PCDHGA12: variants seen among roughly 807,000 people sequenced by gnomAD.
PCDHGA12 encodes protocadherin gamma subfamily A, 12.
In PCDHGA12, 43 loss-of-function variants were observed where a neutral mutation model predicts 61.1. That is an observed-to-expected ratio of 0.70 (90% CI 0.55 to 0.91). The LOEUF (loss-of-function observed/expected upper bound fraction) is 0.91. Among genes scored for constraint, PCDHGA12 ranks in the 40% least tolerant of loss-of-function variants. The probability of loss-of-function intolerance (pLI) is 0.00; values close to 1 mark genes in which losing one functional copy is unlikely to be tolerated. For synonymous variants in PCDHGA12, 520 were observed against 542.9 expected, an observed-to-expected ratio of 0.96 and a Z score of 0.59; for missense variants, 1,236 against 1,227.7, an observed-to-expected ratio of 1.01 and a Z score of -0.10.
At position 141,486,121 on chromosome 5, in the gene PCDHGA12, T is replaced by C. The variant is rs371827617; in HGVS notation, c.2425-8686T>C. 5.6e-6 allele frequency: 9 copies of C among 1,614,086 alleles called. No individual in the cohort carries two copies. The highest frequency in any genetic ancestry group is 2.2e-5 in the South Asian group (2 of 91,082). ...TAGACTTTGAGAGTGAGAATTACTATGAATTTGATGTGCGGGCTCGCGATG... is the reference window on the plus strand; with the variant it reads ...TAGACTTTGAGAGTGAGAATTACTACGAATTTGATGTGCGGGCTCGCGATG... On this transcript the variant is annotated intron_variant, in intron 1 of 3. Coordinates refer to ENST00000252085, the MANE Select transcript of PCDHGA12 (RefSeq NM_003735.3). This position sits in a 1 kb window ranked among gnomAD's most constrained non-coding sequence, Gnocchi z 5.0.
Position 141,477,160 on chromosome 5 carries a change from C to A in PCDHGA12, c.2425-17647C>A, listed in dbSNP as rs768436526. The A allele has an allele frequency of 1.9e-5, 31 of 1,614,068 alleles. No homozygotes were observed. The African/African-American group carries it at 3.6e-4, about 19-fold the overall frequency. On this transcript the variant is annotated intron_variant, in intron 1 of 3. Coordinates refer to ENST00000252085, the MANE Select transcript of PCDHGA12 (RefSeq NM_003735.3). This position sits in a 1 kb window ranked among gnomAD's most constrained non-coding sequence, Gnocchi z 4.9. ...TGGAGGTTGTGGATGTGAATGACAA[C>A]GCCCCGGAGATCACAGTCACCTCCG...
At position 141,487,790 on chromosome 5, in the gene PCDHGA12, C is replaced by T. The variant is rs1360781901; in HGVS notation, c.2425-7017C>T. 6.6e-7 allele frequency: 1 copy of T among 1,511,992 alleles called. No individual in the cohort carries two copies. Among genetic ancestry groups the T allele is most frequent in the Non-Finnish European group, 8.9e-7 (1 of 1,120,458 alleles). The allele number at this position is 1,511,992 out of a possible 1,614,324, so 93.7% of individuals were successfully genotyped here. ...GCTTTGTAACTGTTTCGTGAATTAA[C>T]CAGAGTTGTCACAGTTTAGCATTGG... On this transcript the variant is annotated intron_variant, in intron 1 of 3. Coordinates refer to ENST00000252085, the MANE Select transcript of PCDHGA12 (RefSeq NM_003735.3). This position sits in a 1 kb window ranked among gnomAD's most constrained non-coding sequence, Gnocchi z 5.0.
In PCDHGA12 at chr5:141,491,778, C is replaced by T. The variant is rs568710854; in HGVS notation, c.2425-3029C>T. 3.1e-4 allele frequency: 482 copies of T among 1,547,678 alleles called. No homozygotes were observed. The highest frequency in any genetic ancestry group is 2.2e-3 in the Middle Eastern group (13 of 5,890). On this transcript the variant is annotated intron_variant, in intron 1 of 3. Transcript: ENST00000252085. This position sits in a 1 kb window ranked among gnomAD's most constrained non-coding sequence, Gnocchi z 6.9. Reference sequence around the variant, plus strand: ...CCGCCCGTCCTCATAAGGGATTGAACTTGCATCCACTCCTCTCCGGCCGGC... The same window carrying T: ...CCGCCCGTCCTCATAAGGGATTGAATTTGCATCCACTCCTCTCCGGCCGGC...
chr5:141,476,036 A>G lies in PCDHGA12; in HGVS notation c.2425-18771A>G. The G allele has an allele frequency of 1.4e-6, 2 of 1,471,164 alleles. No individual in the cohort carries two copies. Among genetic ancestry groups the G allele is most frequent in the Non-Finnish European group, 1.8e-6 (2 of 1,106,602 alleles). 91.1% of individuals were successfully genotyped at this position (1,471,164 alleles called of 1,614,324 possible). ...ATGTCGGACTCGGCGCCCAGCGCCCAAGCGCTAACCCGCTGAAAGTTTCTC... is the reference window on the plus strand; with the variant it reads ...ATGTCGGACTCGGCGCCCAGCGCCCGAGCGCTAACCCGCTGAAAGTTTCTC... On this transcript the variant is annotated intron_variant, in intron 1 of 3. Transcript: ENST00000252085. The surrounding 1 kb of genome is among the most constrained non-coding windows in gnomAD (Gnocchi z 7.6).
Position 141,489,368 on chromosome 5 carries a change from C to T in PCDHGA12, c.2425-5439C>T, listed in dbSNP as rs889945954. The T allele has an allele frequency of 1.2e-5, 20 of 1,613,264 alleles. No homozygotes were observed. The highest frequency in any genetic ancestry group is 1.6e-5 in the Non-Finnish European group (19 of 1,179,484). On this transcript the variant is annotated intron_variant, in intron 1 of 3. Transcript: ENST00000252085. The surrounding 1 kb of genome is among the most constrained non-coding windows in gnomAD (Gnocchi z 4.5). The stretch of plus-strand genomic sequence containing the variant: ...GTGGTGGAGGAGTCTGAGCCGGGGA[C>T]GCTGGTGGGGAATGTTGCTCAGGAT...
At chr5:141,450,772 C>T (rs544188262) in intron 1 of PCDHGA12, among the ~76,000 whole-genome samples, 1 of 151,944 alleles carries the variant, frequency 6.6e-6, no homozygotes, top group African/African-American at 2.4e-5. Flanking sequence ...CAGGCATGAG[C>T]CACCGTGCCC....
rs2099748179 is a variant in PCDHGA12 at position 141,493,421 on chromosome 5, T to G, written c.2425-1386T>G. Among the ~76,000 whole-genome samples the G allele has an allele frequency of 6.6e-6, 1 of 152,182 alleles. No individual in the cohort carries two copies. Among genetic ancestry groups the G allele is most frequent in the South Asian group, 2.1e-4 (1 of 4,830 alleles). On this transcript the variant is annotated intron_variant, in intron 1 of 3. Coordinates refer to ENST00000252085, the MANE Select transcript of PCDHGA12 (RefSeq NM_003735.3). The surrounding 1 kb of genome is among the most constrained non-coding windows in gnomAD (Gnocchi z 4.3). Reference sequence around the variant, plus strand: ...GGAGTTGCCTCTGCTGGGATTTTGCTTCTGCTGGGATGGGGCAAGGGTGGG... The same window carrying G: ...GGAGTTGCCTCTGCTGGGATTTTGCGTCTGCTGGGATGGGGCAAGGGTGGG...
chr5:141,431,731 T>G lies in PCDHGA12; in HGVS notation c.972T>G (p.Asn324Lys). 6.2e-7 allele frequency: 1 copy of G among 1,614,210 alleles called. No homozygotes were observed. The highest frequency in any genetic ancestry group is 8.5e-7 in the Non-Finnish European group (1 of 1,180,034). Reference sequence around the variant, plus strand: ...AGATGGAAGTGCAAGCAATGGATAATGCAGGATATTCTGCGCGAGCCAAAG... The same window carrying G: ...AGATGGAAGTGCAAGCAATGGATAAGGCAGGATATTCTGCGCGAGCCAAAG... ...FYQMEVQAMD[N>K]AGYSARAKVL... Residue 324 changes from asparagine (N) to lysine (K), a missense_variant, in exon 1 of 4, where the codon AAT becomes AAG. Asn to Lys is a moderately conservative substitution (Grantham distance 94). Coordinates refer to ENST00000252085, the MANE Select transcript of PCDHGA12 (RefSeq NM_003735.3). The surrounding 1 kb of genome is among the most constrained non-coding windows in gnomAD (Gnocchi z 4.8).
chr5:141,476,179 T>C lies in PCDHGA12; in HGVS notation c.2425-18628T>C, dbSNP rs1283155400. 26 of 1,613,476 alleles carry C rather than the reference T, an allele frequency of 1.6e-5. No homozygotes were observed. The highest frequency in any genetic ancestry group is 2.0e-5 in the Non-Finnish European group (24 of 1,179,998). On this transcript the variant is annotated intron_variant, in intron 1 of 3. Transcript: ENST00000252085. This position sits in a 1 kb window ranked among gnomAD's most constrained non-coding sequence, Gnocchi z 7.6. Reference sequence around the variant, plus strand: ...CCGGGAGGGTAGTGGGAGTTTTGCTTCTGCTTGGTGCCTTGAACAAGGCTT... The same window carrying C: ...CCGGGAGGGTAGTGGGAGTTTTGCTCCTGCTTGGTGCCTTGAACAAGGCTT...
chr5:141,508,540 G>A (rs993826709), intron 3 of PCDHGA12, among the ~76,000 whole-genome samples: 3 of 152,144 alleles, frequency 2.0e-5, no homozygotes, highest in African/African-American at 4.8e-5. Flanking sequence ...CCCCCCACGA[G>A]GTGGGCGGGG....
Position 141,490,008 on chromosome 5 carries a change from C to T in PCDHGA12, c.2425-4799C>T. 6.2e-7 allele frequency: 1 copy of T among 1,614,230 alleles called. No homozygotes were observed. ...GTGTGGGAATCCCAGAGAATGCACC[C>T]ATTGGTACTCTGCTGCTCCGCCTCA... On this transcript the variant is annotated intron_variant, in intron 1 of 3. Transcript: ENST00000252085. This position sits in a 1 kb window ranked among gnomAD's most constrained non-coding sequence, Gnocchi z 5.4.
At chr5:141,498,958 A>T (rs1200201746) in intron 2 of PCDHGA12, among the ~76,000 whole-genome samples, 2 of 123,248 alleles carry the variant, frequency 1.6e-5, no homozygotes, top group Admixed American at 1.8e-4. Flanking sequence ...AAAGAGAGAG[A>T]GGGAGGGAGG....
chr5:141,433,208 C>CA, intron 1 of PCDHGA12, 25 bp downstream of exon 1: 1 of 1,293,080 alleles, frequency 7.7e-7, no homozygotes, highest in Non-Finnish European at 1.1e-6. Context: ...AATCTTCTTT[C>CA]TTTTTTTTTT....
At chr5:141,464,413 A>G (rs2099083422) in intron 1 of PCDHGA12, among the ~76,000 whole-genome samples, 1 of 151,632 alleles carries the variant, frequency 6.6e-6, no homozygotes, top group African/African-American at 2.4e-5. Context: ...ATATATATAT[A>G]TCTATATATA....
intron 1 of PCDHGA12, among the ~76,000 whole-genome samples, chr5:141,439,449 G>A (rs761506247): frequency 4.6e-5 from 7 of 152,184 alleles, no homozygotes; most frequent in Admixed American, 3.9e-4. Context: ...TATTGCGGGA[G>A]CAAGACTGCA....
Position 141,453,270 on chromosome 5 carries a change from T to C in PCDHGA12, c.2424+20087T>C, listed in dbSNP as rs1592250907. 4.6e-5 allele frequency among the ~76,000 whole-genome samples: 7 copies of C among 152,146 alleles called. No homozygotes were observed. In the South Asian group the frequency reaches 1.5e-3, roughly 32 times the overall value. On this transcript the variant is annotated intron_variant, in intron 1 of 3. Transcript: ENST00000252085. The stretch of plus-strand genomic sequence containing the variant: ...CTGGGGCTGCAAGTGCACACCACCA[T>C]GACTGGCTAATTTTTTAATTATTTA...
chr5:141,431,776 C>T lies in PCDHGA12; in HGVS notation c.1017C>T (p.Asp339=). 6.2e-7 allele frequency: 1 copy of T among 1,614,228 alleles called. No individual in the cohort carries two copies. The stretch of plus-strand genomic sequence containing the variant: ...CCAAAGTCCTGATCACTGTTCTGGA[C>T]GTGAACGACAATGCCCCAGAAGTGG... ...ARAKVLITVL[D]VNDNAPEVVL... is the part of the protein sequence containing the mutation. The change falls in exon 1 of 4, where the codon GAC becomes GAT. Residue 339 remains aspartate (D), a synonymous_variant. Coordinates refer to ENST00000252085, the MANE Select transcript of PCDHGA12 (RefSeq NM_003735.3). The surrounding 1 kb of genome is among the most constrained non-coding windows in gnomAD (Gnocchi z 4.8).
chr5:141,446,634 G>A (rs927873152), intron 1 of PCDHGA12, among the ~76,000 whole-genome samples: 6 of 151,928 alleles, frequency 3.9e-5, no homozygotes, highest in Admixed American at 2.6e-4. Context: ...GCACCACCAC[G>A]CCTGGCTAAT....
Position 141,512,554 on chromosome 5 carries a change from T to TAG in PCDHGA12, c.*1383_*1384dup, listed in dbSNP as rs2099884300. ...AAGTTCCCCAGTGCCTCCTTGTGCA[T>TAG]AGACCTTCTTCTCCCACCCCCTTCT... is the stretch of plus-strand genomic sequence containing the variant. On this transcript the variant is annotated 3_prime_UTR_variant, in exon 4 of 4. Coordinates refer to ENST00000252085, the MANE Select transcript of PCDHGA12 (RefSeq NM_003735.3). 6.5e-6 allele frequency: 1 copy of TAG among 153,012 alleles called. No homozygotes were observed. Among genetic ancestry groups the TAG allele is most frequent in the Non-Finnish European group, 1.5e-5 (1 of 68,482 alleles). 9.5% of individuals were successfully genotyped at this position (153,012 alleles called of 1,614,324 possible).
Sources: gnomAD v4.1 joint callset for allele counts (sites outside exome capture counted in the v4.1 genomes callset) on GRCh38, gnomAD v4.1.1 for gene constraint, Gnocchi (gnomAD v3.1) non-coding constraint, MANE v1.5 for transcripts, NCBI Gene and HGNC (gene_info 2026-07-23, HGNC 2026-07-21) for gene names.